The following ABCA10 variants were observed in gnomAD, a reference collection of about 807,000 sequenced individuals.
ABCA10 encodes the protein ATP-binding cassette sub-family A member 10.
Under a neutral mutation model 187.5 loss-of-function variants are expected in ABCA10, and 169 were observed. The observed-to-expected ratio is 0.90, with a 90% CI of 0.80 to 1.02. The LOEUF is 1.02. Ranked by LOEUF, ABCA10 falls within the 50% of genes least tolerant of loss-of-function variation. ABCA10 has a pLI of 0.00. For missense variants in ABCA10, 1,727 were observed against 1,812.4 expected (o/e 0.95, Z 0.86); for synonymous variants, 574 against 601.8 (o/e 0.95, Z 0.68).
upstream of ABCA10, among the ~76,000 whole-genome samples, chr17:69,230,169 T>C (rs918250743): frequency 6.6e-6 from 1 of 152,092 alleles, no homozygotes. Context: ...ACCTTTCACC[T>C]TTCCACTGTG....
At position 69,197,043 on chromosome 17, in the gene ABCA10, AGAGG is replaced by A. The variant is rs915902403; in HGVS notation, c.1234+17_1234+20del. The A allele has an allele frequency of 1.3e-6, 2 of 1,543,032 alleles. No homozygotes were observed. The highest frequency in any genetic ancestry group is 1.8e-6 in the Non-Finnish European group (2 of 1,137,178). On this transcript the variant is annotated intron_variant, in intron 11 of 38. Transcript: ENST00000690296. ...GAGGGGGAGAGGGAGAGGGAGAGGG[AGAGG>A]GAGTTTTTCTTTTTACCTTGCAATG...
Position 69,217,463 on chromosome 17 carries a change from G to A in ABCA10, c.531-1105C>T, listed in dbSNP as rs2074714977. ...CTCACACAAAAACCTGTATATGAAT[G>A]TTAATCACAGCTTTATTCATAAATG... On this transcript the variant is annotated intron_variant, in intron 6 of 38. Coordinates refer to ENST00000690296, the MANE Select transcript of ABCA10 (RefSeq NM_001377321.1). 2.0e-5 allele frequency among the ~76,000 whole-genome samples: 3 copies of A among 152,220 alleles called. No individual in the cohort carries two copies. The South Asian group carries it at 6.2e-4, about 32-fold the overall frequency.
chr17:69,159,609 G>C (rs1216248730), intron 27 of ABCA10, among the ~76,000 whole-genome samples: 1 of 151,986 alleles, frequency 6.6e-6, no homozygotes, highest in Non-Finnish European at 1.5e-5. Flanking sequence ...AAACAATGGA[G>C]GCCAGGAGAA....
intron 9 of ABCA10, among the ~76,000 whole-genome samples, chr17:69,204,534 A>G (rs2074575474): frequency 6.6e-6 from 1 of 152,082 alleles, no homozygotes; most frequent in South Asian, 2.1e-4. Context: ...CCTAGAACTT[A>G]CCCTCTCATG....
At chr17:69,222,341 A>G (rs1403142007) in intron 4 of ABCA10, among the ~76,000 whole-genome samples, 192 bp downstream of exon 4, 1 of 151,552 alleles carries the variant, frequency 6.6e-6, no homozygotes, top group African/African-American at 2.4e-5. Context: ...CCATCTCAAA[A>G]AAAAAAAAAA....
At chr17:69,168,789 G>T (rs555744301) in intron 25 of ABCA10, among the ~76,000 whole-genome samples, 8 of 152,284 alleles carry the variant, frequency 5.3e-5, no homozygotes, top group African/African-American at 1.7e-4. Flanking sequence ...AACAAGATCT[G>T]ATGGTTTTCA....
chr17:69,164,501 A>G (rs1236844227), intron 26 of ABCA10, among the ~76,000 whole-genome samples: 2 of 152,152 alleles, frequency 1.3e-5, no homozygotes, highest in South Asian at 4.1e-4. Context: ...GGTTAATAGA[A>G]TCATGTTTTC....
chr17:69,174,458 G>GCCCCC, intron 24 of ABCA10, 64 bp from the exon 25 acceptor site: 1 of 1,337,118 alleles, frequency 7.5e-7, no homozygotes, highest in South Asian at 1.3e-5. Context: ...AAGAGGAGGG[G>GCCCCC]AGATAATCAG....
At chr17:69,210,494 T>C (rs1223406700) in intron 9 of ABCA10, among the ~76,000 whole-genome samples, 5 of 151,934 alleles carry the variant, frequency 3.3e-5, no homozygotes, top group Non-Finnish European at 7.4e-5. Flanking sequence ...CGGCCTTTAG[T>C]GGTTATTTCT....
chr17:69,173,650 A>AT (rs1031047809), intron 25 of ABCA10, among the ~76,000 whole-genome samples: 6 of 151,954 alleles, frequency 3.9e-5, no homozygotes, highest in Non-Finnish European at 8.8e-5. Context: ...AACCTTTTAG[A>AT]TTTTTTTTAG....
At chr17:69,198,650 C>A (rs1329739810) in intron 10 of ABCA10, among the ~76,000 whole-genome samples, 2 of 152,192 alleles carry the variant, frequency 1.3e-5, no homozygotes, top group Admixed American at 1.3e-4. Flanking sequence ...TATTTCCTGA[C>A]TTTCTGGTTG....
intron 22 of ABCA10, among the ~76,000 whole-genome samples, chr17:69,176,846 C>G (rs938903681): frequency 1.3e-5 from 2 of 152,006 alleles, no homozygotes; most frequent in African/African-American, 4.8e-5. Context: ...TAACTGAAAC[C>G]GCAGAAAGCA....
At chr17:69,211,344 TATATATATATATATATAC>T (rs764740613) in intron 9 of ABCA10, among the ~76,000 whole-genome samples, 13,214 of 40,168 alleles carry the variant, frequency 0.33, 887 homozygotes, top group Middle Eastern at 0.38. Context: ...TATATATATA[TATATATATATATATATAC>T]ACACACACCA....
intron 13 of ABCA10, 70 bp downstream of exon 13, chr17:69,193,744 C>T: frequency 6.4e-6 from 10 of 1,574,448 alleles, no homozygotes; most frequent in Non-Finnish European, 7.7e-6. Context: ...AGAGTAATAG[C>T]TGAACAAAAA....
At chr17:69,218,024 T>G (rs1406435805) in intron 6 of ABCA10, among the ~76,000 whole-genome samples, 2 of 152,132 alleles carry the variant, frequency 1.3e-5, no homozygotes, top group East Asian at 1.9e-4. Flanking sequence ...ATTCAGAAAT[T>G]TAGATTAAAT....
At chr17:69,156,052 A>G in intron 28 of ABCA10, 127 bp from the exon 29 acceptor site, 1 of 1,139,770 alleles carries the variant, frequency 8.8e-7, no homozygotes, top group East Asian at 2.9e-5. Flanking sequence ...TTTATTACCT[A>G]CAAGATTCTT....
intron 16 of ABCA10, 125 bp from the exon 17 acceptor site, chr17:69,191,440 G>T: frequency 9.8e-7 from 1 of 1,018,546 alleles, no homozygotes; most frequent in Non-Finnish European, 1.3e-6. Flanking sequence ...TCTAGTAATT[G>T]GTTCCTGCAA....
At chr17:69,193,682 G>A in intron 13 of ABCA10, 70 bp from the exon 14 acceptor site, 1 of 1,548,018 alleles carries the variant, frequency 6.5e-7, no homozygotes, top group Non-Finnish European at 8.7e-7. Flanking sequence ...CTCTAAAAAT[G>A]AAAAGGATTT....
Position 69,187,806 on chromosome 17 carries a change from A to G in ABCA10, c.2205T>C (p.Val735=), listed in dbSNP as rs758144294. ...NTGDESEMEQ[V]LCSLPETRKA... Reference sequence around the variant, plus strand: ...TTCTTGTTTCAGGAAGAGAACAAAGAACCTGTTCCATTTCAGACTCATCTC... The same window carrying G: ...TTCTTGTTTCAGGAAGAGAACAAAGGACCTGTTCCATTTCAGACTCATCTC... Residue 735 remains valine (V), a synonymous_variant, in exon 19 of 39, where the codon GTT becomes GTC. Coordinates refer to ENST00000690296, the MANE Select transcript of ABCA10 (RefSeq NM_001377321.1). 6 of 1,613,904 alleles carry G rather than the reference A, an allele frequency of 3.7e-6. No individual in the cohort carries two copies. Among genetic ancestry groups the G allele is most frequent in the Middle Eastern group, 1.6e-4 (1 of 6,062 alleles).
Sources: gnomAD v4.1 joint callset for allele counts (sites outside exome capture counted in the v4.1 genomes callset) on GRCh38, gnomAD v4.1.1 for gene constraint, MANE v1.5 for transcripts, NCBI Gene and HGNC (gene_info 2026-07-23, HGNC 2026-07-21) for gene names.